METTL15: variants seen among roughly 807,000 people sequenced by gnomAD.
METTL15 encodes the protein 12S rRNA N(4)-cytidine methyltransferase METTL15.
A neutral mutation model predicts 38.3 loss-of-function variants in METTL15; 34 were observed. That is an observed-to-expected ratio of 0.89 (90% CI 0.68 to 1.18). The LOEUF is 1.18. METTL15 is among the 50% of genes most tolerant of loss of function. The pLI is 0.00. For synonymous variants in METTL15, 162 were observed against 170.9 expected, an observed-to-expected ratio of 0.95 and a Z score of 0.41; for missense variants, 438 against 498.4, an observed-to-expected ratio of 0.88 and a Z score of 1.15.
At chr11:28,397,324 A>G (rs1375564961) in intron 5 of METTL15, among the ~76,000 whole-genome samples, 1 of 151,922 alleles carries the variant, frequency 6.6e-6, no homozygotes, top group Non-Finnish European at 1.5e-5. Context: ...ATGGGAGAAA[A>G]TTTTTGCAAT....
chr11:28,215,264 G>T (rs1316487327), intron 4 of METTL15, among the ~76,000 whole-genome samples: 2 of 152,184 alleles, frequency 1.3e-5, no homozygotes, highest in Admixed American at 6.5e-5. Flanking sequence ...ACAGAAAGAA[G>T]TGGGGGAAGT....
At position 28,112,372 on chromosome 11, in the gene METTL15, T is replaced by C. The variant is rs768102629; in HGVS notation, c.-17-946T>C. Among the ~76,000 whole-genome samples, 5 of 152,334 alleles carry C rather than the reference T, an allele frequency of 3.3e-5. No individual in the cohort carries two copies. In the South Asian group the frequency reaches 8.3e-4, roughly 25 times the overall value. Reference sequence around the variant, plus strand: ...GTATACGAAGGTGTGGGTCATATTCTTAAATAACTAATAACCTGTAAGGAA... The same window carrying C: ...GTATACGAAGGTGTGGGTCATATTCCTAAATAACTAATAACCTGTAAGGAA... On this transcript the variant is annotated intron_variant, in intron 2 of 6. Coordinates refer to ENST00000407364, the MANE Select transcript of METTL15 (RefSeq NM_001113528.2).
At chr11:28,425,736 T>C (rs1365234846) in intron 6 of METTL15, among the ~76,000 whole-genome samples, 1 of 152,194 alleles carries the variant, frequency 6.6e-6, no homozygotes, top group African/African-American at 2.4e-5. Context: ...CTTAAAGGCA[T>C]AGATGGTACC....
At chr11:28,202,077 T>TTA (rs1224970689) in intron 3 of METTL15, among the ~76,000 whole-genome samples, 2 of 152,116 alleles carry the variant, frequency 1.3e-5, no homozygotes, top group Non-Finnish European at 2.9e-5. Flanking sequence ...AGATGTGACA[T>TTA]GCTAAAGTTT....
rs1172812651 is a variant in METTL15 at position 28,209,826 on chromosome 11, A to G, written c.271-1236A>G. On this transcript the variant is annotated intron_variant, in intron 3 of 6. Transcript: ENST00000407364. ...GCATGGAAATATATTCAAATCCATG[A>G]CAGGAATTTCCCTTGTTATGTACTA... 3.9e-5 allele frequency among the ~76,000 whole-genome samples: 6 copies of G among 152,158 alleles called. No individual in the cohort carries two copies. In the East Asian group the frequency reaches 1.2e-3, roughly 29 times the overall value.
chr11:28,409,380 T>TAA (rs1850705268), intron 5 of METTL15, among the ~76,000 whole-genome samples: 1 of 12,948 alleles, frequency 7.7e-5, no homozygotes, highest in Non-Finnish European at 1.6e-4. Flanking sequence ...AGACTCCGTC[T>TAA]CAAAAAAAAA....
intron 6 of METTL15, among the ~76,000 whole-genome samples, chr11:28,508,652 C>T (rs1851649551): frequency 6.6e-6 from 1 of 152,172 alleles, no homozygotes; most frequent in South Asian, 2.1e-4. Flanking sequence ...CACTTCTCTT[C>T]ATGGCCACCA....
intron 6 of METTL15, among the ~76,000 whole-genome samples, chr11:28,521,884 C>T (rs1342217195): frequency 2.0e-5 from 3 of 152,082 alleles, no homozygotes; most frequent in African/African-American, 7.2e-5. Flanking sequence ...TGTTACTCAC[C>T]TTGGGGGTAA....
intron 3 of METTL15, among the ~76,000 whole-genome samples, chr11:28,207,437 C>G (rs1399456420): frequency 2.0e-5 from 3 of 152,152 alleles, no homozygotes; most frequent in Admixed American, 6.5e-5. Flanking sequence ...GTTGAACCAG[C>G]CTTGCATCCC....
chr11:28,295,674 G>T (rs1856705280), intron 5 of METTL15, among the ~76,000 whole-genome samples: 1 of 151,942 alleles, frequency 6.6e-6, no homozygotes, highest in Non-Finnish European at 1.5e-5. Context: ...CAAGAGAGAT[G>T]AAAGTCATGA....
chr11:28,413,082 AAT>A (rs1850742690), intron 5 of METTL15, among the ~76,000 whole-genome samples: 1 of 152,086 alleles, frequency 6.6e-6, no homozygotes, highest in Admixed American at 6.6e-5. Flanking sequence ...TTTTAGAACA[AAT>A]ATGTTTTCCT....
intron 4 of METTL15, among the ~76,000 whole-genome samples, chr11:28,246,752 G>C (rs1017768106): frequency 6.6e-6 from 1 of 152,070 alleles, no homozygotes; most frequent in Admixed American, 6.6e-5. Context: ...AGGTATATTA[G>C]TGATACACAT....
intron 3 of METTL15, among the ~76,000 whole-genome samples, chr11:28,170,799 G>A (rs545063035): frequency 3.9e-5 from 6 of 152,104 alleles, no homozygotes; most frequent in South Asian, 2.1e-4. Flanking sequence ...GGTTTTGGTC[G>A]GTTTTGGCCA....
At position 28,396,487 on chromosome 11, in the gene METTL15, A is replaced by G. The variant is rs1222682598; in HGVS notation, c.*359-27812A>G. Among the ~76,000 whole-genome samples the G allele has an allele frequency of 1.6e-4, 25 of 152,244 alleles. No homozygotes were observed. In the East Asian group the frequency reaches 4.8e-3, roughly 29 times the overall value. ...CCAAATCATGAGTGAACTCCCATTCACAATTGCTTCAAAGAGAATAAAATA... is the reference window on the plus strand; with the variant it reads ...CCAAATCATGAGTGAACTCCCATTCGCAATTGCTTCAAAGAGAATAAAATA... On this transcript the variant is annotated intron_variant and NMD_transcript_variant, in intron 5 of 7. Coordinates refer to the METTL15 transcript ENST00000532947.
chr11:28,132,859 A>G (rs1209381011), intron 3 of METTL15, among the ~76,000 whole-genome samples: 1 of 152,132 alleles, frequency 6.6e-6, no homozygotes, highest in Non-Finnish European at 1.5e-5. Flanking sequence ...TTTTATTTGA[A>G]CTTAGAGTAC....
At chr11:28,186,784 G>A (rs1405933332) in intron 3 of METTL15, among the ~76,000 whole-genome samples, 1 of 150,862 alleles carries the variant, frequency 6.6e-6, no homozygotes, top group East Asian at 1.9e-4. Context: ...TTAAAAAAGA[G>A]GATGCTGTGA....
intron 6 of METTL15, among the ~76,000 whole-genome samples, chr11:28,514,691 C>A (rs1249219530): frequency 6.6e-6 from 1 of 152,206 alleles, no homozygotes; most frequent in Non-Finnish European, 1.5e-5. Flanking sequence ...TTGACACCTT[C>A]TATATCCCAG....
intron 3 of METTL15, among the ~76,000 whole-genome samples, chr11:28,159,326 C>T (rs1003911332): frequency 5.3e-5 from 8 of 151,972 alleles, no homozygotes; most frequent in Non-Finnish European, 8.8e-5. Context: ...TCCATTAGGG[C>T]ATCTCTTAGT....
At chr11:28,219,988 G>A (rs1162048476) in intron 4 of METTL15, among the ~76,000 whole-genome samples, 2 of 152,082 alleles carry the variant, frequency 1.3e-5, no homozygotes, top group African/African-American at 2.4e-5. Flanking sequence ...CAACTATGTG[G>A]TCAATTTTGG....
Sources: allele counts gnomAD v4.1 joint callset (sites outside exome capture counted in the v4.1 genomes callset), GRCh38; gene constraint gnomAD v4.1.1; transcripts MANE v1.5; gene names NCBI Gene and HGNC (gene_info 2026-07-23, HGNC 2026-07-21).